Variants in SPNS2 observed in about 807,000 individuals in gnomAD.
The protein encoded by SPNS2 is sphingosine-1-phosphate transporter SPNS2.
A neutral mutation model predicts 57.6 loss-of-function variants in SPNS2; 37 were observed. That is an observed-to-expected ratio of 0.64 (90% CI 0.49 to 0.85). The LOEUF is 0.85. Among genes scored for constraint, SPNS2 ranks in the 40% least tolerant of loss-of-function variants. The pLI, the probability that SPNS2 is intolerant of heterozygous loss-of-function variation, is 0.00. For missense variants in SPNS2, 831 were observed against 779.1 expected (o/e 1.07, Z -0.79); for synonymous variants, 440 against 346.9 (o/e 1.27, Z -2.98).
rs1905773555 is a variant in SPNS2, at chr17:4,536,085, A to G, written c.1354A>G (p.Ile452Val). 1.2e-6 allele frequency: 2 copies of G among 1,611,622 alleles called. No homozygotes were observed. Among genetic ancestry groups the G allele is most frequent in the East Asian group, 4.5e-5 (2 of 44,852 alleles). ...ITADILMYVV[I>V]PTRRATAVAL... is the part of the protein sequence containing the mutation. ...CCCGCCTGTTCCGCAGTACGTGGTCATCCCCACGCGGCGCGCCACTGCCGT... is the reference window on the plus strand; with the variant it reads ...CCCGCCTGTTCCGCAGTACGTGGTCGTCCCCACGCGGCGCGCCACTGCCGT... Residue 452 changes from isoleucine (I) to valine (V), a missense_variant, in exon 10 of 13, where the codon ATC (isoleucine) becomes GTC (valine). This residue lies in a region of SPNS2 where 526 missense variants were observed against 400.9 expected (regional missense o/e 1.31). Transcript: ENST00000329078.
At position 4,536,896 on chromosome 17, in the gene SPNS2, C is replaced by A. The variant is rs765547147; in HGVS notation, c.1608-4C>A. The A allele has an allele frequency of 1.9e-5, 31 of 1,613,484 alleles. No individual in the cohort carries two copies. The South Asian group carries it at 3.3e-4, about 17-fold the overall frequency. On this transcript the variant is annotated splice_polypyrimidine_tract_variant and splice_region_variant and intron_variant, in intron 11 of 12. Transcript: ENST00000329078. ...ACCCTGACCCCCGCCCGTCTCTCCC[C>A]CAGGGTGAACCAGCTGGCGATGCCG...
Position 4,538,673 on chromosome 17 carries a change from C to G in SPNS2, c.*1225C>G, listed in dbSNP as rs1037134758. 3.1e-5 allele frequency: 17 copies of G among 548,830 alleles called. No homozygotes were observed. The African/African-American group carries it at 3.2e-4, about 10-fold the overall frequency. 34.0% of individuals were successfully genotyped at this position (548,830 alleles called of 1,614,324 possible). ...GCCTTGTGGCCAATGGGGGACCCCC[C>G]AAGAGCCAGCTTGGACAATGCTCTT... On this transcript the variant is annotated 3_prime_UTR_variant, in exon 13 of 13. Coordinates refer to ENST00000329078, the MANE Select transcript of SPNS2 (RefSeq NM_001124758.3).
intron 3 of SPNS2, among the ~76,000 whole-genome samples, chr17:4,527,663 C>G (rs34956586): frequency 2.7e-4 from 41 of 151,918 alleles, no homozygotes; most frequent in African/African-American, 9.7e-4. Flanking sequence ...TCTCTAGTAA[C>G]CAGGGAAATG....
intron 11 of SPNS2, 42 bp downstream of exon 11, chr17:4,536,468 G>T: frequency 6.4e-7 from 1 of 1,572,554 alleles, no homozygotes; most frequent in Non-Finnish European, 8.6e-7. Context: ...CCGCCGGGAA[G>T]CAGGGACCGT....
rs529802553 is a variant in SPNS2, at chr17:4,508,170, G to A, written c.371-5077G>A. Among the ~76,000 whole-genome samples, 9 of 152,284 alleles carry A rather than the reference G, an allele frequency of 5.9e-5. No individual in the cohort carries two copies. The South Asian group carries it at 1.0e-3, about 18-fold the overall frequency. On this transcript the variant is annotated intron_variant, in intron 1 of 12. Transcript: ENST00000329078. The stretch of plus-strand genomic sequence containing the variant: ...GAGAGGCGCAGGTATCCTGGTAGAC[G>A]CGACTTTGGATCTGCGCCCTAGAGG...
At chr17:4,533,484 GA>G in intron 8 of SPNS2, 52 bp downstream of exon 8, 2 of 1,527,420 alleles carry the variant, frequency 1.3e-6, no homozygotes, top group South Asian at 2.5e-5. Context: ...TGGGCCGCGG[GA>G]GGGTCTGGAA....
chr17:4,519,175 T>C (rs1428536487), intron 2 of SPNS2, among the ~76,000 whole-genome samples: 1 of 152,140 alleles, frequency 6.6e-6, no homozygotes, highest in Non-Finnish European at 1.5e-5. Context: ...ATCAGCCATG[T>C]AAAAATAGCC....
chr17:4,536,846 CG>C, intron 11 of SPNS2, 53 bp from the exon 12 acceptor site: 1 of 1,491,250 alleles, frequency 6.7e-7, no homozygotes, highest in Non-Finnish European at 9.3e-7. Flanking sequence ...GAGCAGTGCC[CG>C]GGCCCGGCCC....
chr17:4,533,696 C>G, intron 8 of SPNS2, 92 bp from the exon 9 acceptor site: 1 of 1,438,978 alleles, frequency 6.9e-7, no homozygotes, highest in Admixed American at 1.7e-5. Flanking sequence ...GTTTTGTGGG[C>G]TCCCTGCCAG....
At chr17:4,519,770 C>T (rs1446220392) in intron 2 of SPNS2, among the ~76,000 whole-genome samples, 1 of 152,272 alleles carries the variant, frequency 6.6e-6, no homozygotes, top group African/African-American at 2.4e-5. Flanking sequence ...AGGCCCAGCC[C>T]AGGCTGGTCT....
intron 5 of SPNS2, among the ~76,000 whole-genome samples, chr17:4,532,339 G>T (rs1045888960): frequency 1.3e-5 from 2 of 152,124 alleles, no homozygotes; most frequent in African/African-American, 4.8e-5. Flanking sequence ...CCCTGGTCTG[G>T]ACAGGCCATC....
intron 9 of SPNS2, 28 bp from the exon 10 acceptor site, chr17:4,536,048 G>A (rs1284658462): frequency 3.8e-6 from 6 of 1,599,188 alleles, no homozygotes; most frequent in African/African-American, 1.3e-5. Flanking sequence ...TTCTCCTCTG[G>A]CCGCTGACCT....
intron 2 of SPNS2, among the ~76,000 whole-genome samples, chr17:4,519,538 C>T (rs1194267963): frequency 1.3e-5 from 2 of 152,168 alleles, no homozygotes. Flanking sequence ...TCCCTGCTGT[C>T]ACGGCCCTGC....
At chr17:4,524,920 G>A (rs771312162) in intron 2 of SPNS2, 137 bp from the exon 3 acceptor site, 94 of 1,260,994 alleles carry the variant, frequency 7.5e-5, no homozygotes, top group Admixed American at 4.2e-4. Context: ...GGTGCAGGTC[G>A]GGCCGAGGTT....
intron 2 of SPNS2, among the ~76,000 whole-genome samples, chr17:4,515,460 C>A (rs1490633748): frequency 1.3e-5 from 2 of 152,208 alleles, no homozygotes; most frequent in East Asian, 3.9e-4. Flanking sequence ...GTCCCCAGGG[C>A]GGGTGCCTCT....
rs1003981631 is a variant in SPNS2 at position 4,533,686 on chromosome 17, GT to G, written c.1279-98del. ...GATGTGGGCCCGGGAGGGGTGTGAGGTTTTGTGGGCTCCCTGCCAGCAGCCA... is the reference window on the plus strand; with the variant it reads ...GATGTGGGCCCGGGAGGGGTGTGAGGTTTGTGGGCTCCCTGCCAGCAGCCA... On this transcript the variant is annotated intron_variant, in intron 8 of 12. Transcript: ENST00000329078. 4.3e-6 allele frequency: 6 copies of G among 1,390,408 alleles called. No homozygotes were observed. In the African/African-American group the frequency reaches 7.1e-5, roughly 16 times the overall value. 86.1% of individuals were successfully genotyped at this position (1,390,408 alleles called of 1,614,324 possible).
chr17:4,533,169 C>A (rs1375132908), intron 7 of SPNS2, 40 bp downstream of exon 7: 1 of 1,584,012 alleles, frequency 6.3e-7, no homozygotes, highest in Non-Finnish European at 8.6e-7. Flanking sequence ...GGTGAGGGAC[C>A]TCGGACAGGA....
In SPNS2 at chr17:4,532,372, G is replaced by A. The variant is rs62064931; in HGVS notation, c.793-170G>A. On this transcript the variant is annotated intron_variant, in intron 5 of 12. Coordinates refer to ENST00000329078, the MANE Select transcript of SPNS2 (RefSeq NM_001124758.3). ...ATCTCAAGCCTCCAGTCTCTTGACC[G>A]ACCTCAGCCCCAGCTTTTCTCAGCA... 0.046 allele frequency among the ~76,000 whole-genome samples: 6,998 copies of A among 152,132 alleles called. 185 individuals are homozygous for A. The highest frequency in any genetic ancestry group is 0.072 in the African/African-American group (3,004 of 41,480).
At position 4,502,200 on chromosome 17, in the gene SPNS2, A is replaced by ACC. The variant is rs112393928; in HGVS notation, c.370+2788_370+2789dup. 3.5e-4 allele frequency among the ~76,000 whole-genome samples: 53 copies of ACC among 150,932 alleles called. No homozygotes were observed. The East Asian group carries it at 7.6e-3, about 22-fold the overall frequency. Reference sequence around the variant, plus strand: ...AGACCAGCCTGGTCAACATGGTGAAACCCCCCATCTCTACTAAAGTAAATA... The same window carrying ACC: ...AGACCAGCCTGGTCAACATGGTGAAACCCCCCCCATCTCTACTAAAGTAAATA... On this transcript the variant is annotated intron_variant, in intron 1 of 12. Coordinates refer to ENST00000329078, the MANE Select transcript of SPNS2 (RefSeq NM_001124758.3).
Sources: allele counts gnomAD v4.1 joint callset (sites outside exome capture counted in the v4.1 genomes callset), GRCh38; gene constraint gnomAD v4.1.1; regional missense constraint gnomAD v4.1.1; transcripts MANE v1.5; gene names NCBI Gene and HGNC (gene_info 2026-07-23, HGNC 2026-07-21).